BHMT2: variants seen among roughly 807,000 people sequenced by gnomAD.
The protein encoded by BHMT2 is betaine--homocysteine S-methyltransferase 2.
A neutral mutation model predicts 39.0 loss-of-function variants in BHMT2; 28 were observed. That is an observed-to-expected ratio of 0.72 (90% confidence interval 0.53 to 0.98). The LOEUF (loss-of-function observed/expected upper bound fraction) is 0.98. Ranked by LOEUF, BHMT2 falls within the 50% of genes least tolerant of loss-of-function variation. BHMT2 has a pLI of 0.00. For missense variants in BHMT2, 410 were observed against 455.6 expected, an observed-to-expected ratio of 0.90 and a Z score of 0.91; for synonymous variants, 145 against 160.6, an observed-to-expected ratio of 0.90 and a Z score of 0.74.
chr5:79,072,221 C>T (rs1045788146), intron 1 of BHMT2, among the ~76,000 whole-genome samples: 1 of 151,422 alleles, frequency 6.6e-6, no homozygotes, highest in East Asian at 1.9e-4. Context: ...GAGCTGAGAT[C>T]GCGCTACTGC....
chr5:79,073,068 A>G (rs972584540), intron 1 of BHMT2, among the ~76,000 whole-genome samples: 8 of 149,936 alleles, frequency 5.3e-5, no homozygotes, highest in African/African-American at 2.0e-4. Context: ...GGTTCAAGCT[A>G]TTCTCCTGCC....
chr5:79,077,288 G>A (rs1755688586), intron 1 of BHMT2, among the ~76,000 whole-genome samples, 192 bp from the exon 2 acceptor site: 1 of 152,178 alleles, frequency 6.6e-6, no homozygotes, highest in Non-Finnish European at 1.5e-5. Flanking sequence ...CCCTTTCATT[G>A]TACAAAATAG....
intron 2 of BHMT2, chr5:79,077,963 T>A (rs1278465526): frequency 9.6e-5 from 16 of 167,428 alleles, no homozygotes; most frequent in Non-Finnish European, 1.7e-4. Context: ...CAACACACTC[T>A]CACACACACA....
intron 1 of BHMT2, among the ~76,000 whole-genome samples, chr5:79,072,991 T>A (rs1755609159): frequency 7.4e-6 from 1 of 134,540 alleles, no homozygotes; most frequent in African/African-American, 2.8e-5. Flanking sequence ...TGAGACAGAG[T>A]CTCACTCTGT....
intron 1 of BHMT2, among the ~76,000 whole-genome samples, chr5:79,075,350 G>GGC (rs772380750): frequency 8.5e-5 from 13 of 152,050 alleles, no homozygotes; most frequent in Non-Finnish European, 1.5e-4. Context: ...CTGTTGTGGG[G>GGC]GCCTCTTTTT....
chr5:79,082,662 T>C, intron 4 of BHMT2, 147 bp from the exon 5 acceptor site: 1 of 842,832 alleles, frequency 1.2e-6, no homozygotes, highest in East Asian at 2.6e-5. Context: ...TTAGTCAGTC[T>C]GATAGACACA....
chr5:79,069,823 T>TCGTCC lies in BHMT2; in HGVS notation c.33+10_33+14dup. 7.0e-7 allele frequency: 1 copy of TCGTCC among 1,426,302 alleles called. No individual in the cohort carries two copies. The highest frequency in any genetic ancestry group is 9.2e-7 in the Non-Finnish European group (1 of 1,082,262). The allele number at this position is 1,426,302 out of a possible 1,614,324, so 88.4% of individuals were successfully genotyped here. A position where few individuals can be genotyped will look rare whatever the true frequency, so the allele number is the denominator to read the frequency against. On this transcript the variant is annotated intron_variant, in intron 1 of 7. Transcript: ENST00000255192. ...CGCCCGGGGGCCAAGAAGGTGAGTTTCGTCCCCTCGATCCTCGCGGAGCTC... is the reference window on the plus strand; with the variant it reads ...CGCCCGGGGGCCAAGAAGGTGAGTTTCGTCCCGTCCCCTCGATCCTCGCGGAGCTC...
At chr5:79,082,629 ATGTT>A in intron 4 of BHMT2, 176 bp from the exon 5 acceptor site, 1 of 594,754 alleles carries the variant, frequency 1.7e-6, no homozygotes. Context: ...AGGAATGAAA[ATGTT>A]TACTCAGAAA....
chr5:79,079,384 T>G lies in BHMT2; in HGVS notation c.182T>G (p.Met61Arg). 1 of 1,613,026 alleles carries G rather than the reference T, an allele frequency of 6.2e-7. No homozygotes were observed. The highest frequency in any genetic ancestry group is 8.5e-7 in the Non-Finnish European group (1 of 1,179,268). Reference sequence around the variant, plus strand: ...TACTTTGTAGTTCGTCAACTTCACATGGAATTCTTGAGAGCAGGATCAAAT... The same window carrying G: ...TACTTTGTAGTTCGTCAACTTCACAGGGAATTCTTGAGAGCAGGATCAAAT... Reference protein sequence around the residue: ...EHPDAVRQLHMEFLRAGSNVM... With the variant: ...EHPDAVRQLHREFLRAGSNVM... Residue 61 changes from methionine (M) to arginine (R), a missense_variant, in exon 3 of 8, where the codon ATG becomes AGG. Physicochemically the swap from Met to Arg is moderately conservative, Grantham distance 91. Coordinates refer to ENST00000255192, the MANE Select transcript of BHMT2 (RefSeq NM_017614.5).
intron 1 of BHMT2, among the ~76,000 whole-genome samples, chr5:79,074,595 C>A (rs533124122): frequency 1.3e-5 from 2 of 152,218 alleles, no homozygotes; most frequent in Non-Finnish European, 2.9e-5. Context: ...TTTGGGATCT[C>A]TTTGTTCCTT....
intron 1 of BHMT2, among the ~76,000 whole-genome samples, chr5:79,075,574 A>G (rs962979051): frequency 6.6e-6 from 1 of 152,178 alleles, no homozygotes; most frequent in African/African-American, 2.4e-5. Context: ...GAACTGGCCT[A>G]TTATCAATAA....
At chr5:79,082,595 T>G (rs1580252428) in intron 4 of BHMT2, 2 of 425,096 alleles carry the variant, frequency 4.7e-6, no homozygotes, top group Non-Finnish European at 8.1e-6. Flanking sequence ...GAACCCTGAA[T>G]GAAAAACTAT....
intron 2 of BHMT2, chr5:79,078,210 T>C (rs1561240282): frequency 6.6e-6 from 1 of 151,088 alleles, no homozygotes; most frequent in African/African-American, 2.4e-5. Flanking sequence ...ACAGCCAGGT[T>C]CCAGGGTTGG....
In BHMT2 at chr5:79,072,454, C is replaced by CA. The variant is rs1470698783; in HGVS notation, c.33+2644dup. ...GAGTAACATTTTTTCTTCTTCAGGACAAAAATTCTAGCATATGCAATACAT... is the reference window on the plus strand; with the variant it reads ...GAGTAACATTTTTTCTTCTTCAGGACAAAAAATTCTAGCATATGCAATACAT... On this transcript the variant is annotated intron_variant, in intron 1 of 7. Transcript: ENST00000255192. Among the ~76,000 whole-genome samples the CA allele has an allele frequency of 4.6e-5, 7 of 152,230 alleles. No individual in the cohort carries two copies. The East Asian group carries it at 1.3e-3, about 29-fold the overall frequency.
chr5:79,071,667 G>C (rs1755580959), intron 1 of BHMT2, among the ~76,000 whole-genome samples: 1 of 152,110 alleles, frequency 6.6e-6, no homozygotes, highest in South Asian at 2.1e-4. Flanking sequence ...GAAGGGTGGA[G>C]GGTGGAAGGA....
intron 1 of BHMT2, among the ~76,000 whole-genome samples, 188 bp from the exon 2 acceptor site, chr5:79,077,291 CA>C (rs1755688872): frequency 6.6e-6 from 1 of 152,136 alleles, no homozygotes; most frequent in South Asian, 2.1e-4. Context: ...TTTCATTGTA[CA>C]AAATAGGAAC....
intron 1 of BHMT2, among the ~76,000 whole-genome samples, chr5:79,071,742 A>G (rs1470813977): frequency 6.6e-6 from 1 of 151,708 alleles, no homozygotes; most frequent in South Asian, 2.1e-4. Flanking sequence ...GAAATAACCC[A>G]TATAGCAAAC....
chr5:79,080,558 T>C (rs942414724), intron 3 of BHMT2, 129 bp from the exon 4 acceptor site: 10 of 730,078 alleles, frequency 1.4e-5, no homozygotes, highest in Non-Finnish European at 2.0e-5. Flanking sequence ...ACTCTGCTGG[T>C]CTTTTCTGCT....
Position 79,089,762 on chromosome 5 carries a change from T to C in BHMT2, c.*1188T>C, listed in dbSNP as rs1051644912. On this transcript the variant is annotated 3_prime_UTR_variant, in exon 8 of 8. Coordinates refer to ENST00000255192, the MANE Select transcript of BHMT2 (RefSeq NM_017614.5). Reference sequence around the variant, plus strand: ...CGGGCAGATCACTTGGGTCAAGAGTTCAAGGCCAGCCTGGCCAACATGGCA... The same window carrying C: ...CGGGCAGATCACTTGGGTCAAGAGTCCAAGGCCAGCCTGGCCAACATGGCA... Among the ~76,000 whole-genome samples the C allele has an allele frequency of 6.6e-6, 1 of 152,260 alleles. No individual in the cohort carries two copies. Among genetic ancestry groups the C allele is most frequent in the Admixed American group, 6.5e-5 (1 of 15,304 alleles).
Sources: allele counts gnomAD v4.1 joint callset (sites outside exome capture counted in the v4.1 genomes callset), GRCh38; gene constraint gnomAD v4.1.1; transcripts MANE v1.5; gene names NCBI Gene and HGNC (gene_info 2026-07-23, HGNC 2026-07-21).